SKP1: variants seen among roughly 807,000 people sequenced by gnomAD.
The protein encoded by SKP1 is S-phase kinase associated protein 1.
SKP1 carries 1 observed loss-of-function variant against 21.5 expected under a neutral mutation model. The ratio of observed to expected loss-of-function variants is 0.05; its 90% CI spans 0.02 to 0.22. The LOEUF (loss-of-function observed/expected upper bound fraction) is 0.22. SKP1 is among the 10% of genes least tolerant of loss of function. SKP1 has a pLI of 1.00. For missense variants in SKP1, 70 were observed against 192.0 expected (o/e 0.36, Z 3.76); for synonymous variants, 59 against 59.3 (o/e 0.99, Z 0.03).
At chr5:134,170,712 T>C (rs987517005) in intron 2 of SKP1, among the ~76,000 whole-genome samples, 1 of 152,200 alleles carries the variant, frequency 6.6e-6, no homozygotes, top group African/African-American at 2.4e-5. Context: ...AGTAAAAGAA[T>C]AACTTAATTG....
intron 5 of SKP1, 92 bp downstream of exon 5, chr5:134,158,363 A>G: frequency 2.5e-6 from 4 of 1,607,152 alleles, no homozygotes; most frequent in Non-Finnish European, 3.4e-6. Flanking sequence ...TATCAAGACT[A>G]CTTGATACAG....
intron 3 of SKP1, among the ~76,000 whole-genome samples, chr5:134,163,172 G>GCT (rs1761249952): frequency 7.6e-6 from 1 of 132,366 alleles, no homozygotes; most frequent in Non-Finnish European, 1.5e-5. Context: ...CCATGATCGT[G>GCT]CCACTGCACT....
At chr5:134,158,782 T>C (rs763246723) in intron 4 of SKP1, among the ~76,000 whole-genome samples, 187 bp from the exon 5 acceptor site, 1 of 152,252 alleles carries the variant, frequency 6.6e-6, no homozygotes, top group Non-Finnish European at 1.5e-5. Context: ...GTTATACCTC[T>C]ATAATGTTGA....
At chr5:134,166,131 G>C (rs1761326114) in intron 3 of SKP1, among the ~76,000 whole-genome samples, 1 of 151,102 alleles carries the variant, frequency 6.6e-6, no homozygotes, top group Non-Finnish European at 1.5e-5. Context: ...GCTGCAGTGA[G>C]CTGAGATCAC....
chr5:134,174,798 G>C (rs1367007465), intron 1 of SKP1: 1 of 142,426 alleles, frequency 7.0e-6, no homozygotes, highest in Non-Finnish European at 1.5e-5. Context: ...CAAAGGACTT[G>C]AGTTCTGGCA....
rs570070990 is a variant in SKP1 at position 134,153,061 on chromosome 5, T to C, written c.*4672A>G. 5.9e-5 allele frequency: 9 copies of C among 152,366 alleles called. No individual in the cohort carries two copies. The East Asian group carries it at 7.7e-4, about 13-fold the overall frequency. The allele number at this position is 152,366 out of a possible 1,614,324, so 9.4% of individuals were successfully genotyped here. A position where few individuals can be genotyped will look rare whatever the true frequency, so the allele number is the denominator to read the frequency against. On this transcript the variant is annotated 3_prime_UTR_variant, in exon 6 of 6. Coordinates refer to ENST00000353411, the MANE Select transcript of SKP1 (RefSeq NM_170679.3). ...GACTTCTTCCTAGCTTAAAAAGTTA[T>C]AGACTGGTTTCAAATCCAGATAATT...
At chr5:134,173,042 A>G (rs1463136652) in intron 2 of SKP1, among the ~76,000 whole-genome samples, 1 of 151,450 alleles carries the variant, frequency 6.6e-6, no homozygotes, top group Non-Finnish European at 1.5e-5. Flanking sequence ...AAATTAAAAA[A>G]TCAGCTGGGG....
intron 3 of SKP1, among the ~76,000 whole-genome samples, chr5:134,165,933 C>A (rs1471945920): frequency 6.6e-6 from 1 of 151,522 alleles, no homozygotes; most frequent in African/African-American, 2.4e-5. Flanking sequence ...GTGGCTCCAC[C>A]TGTAATCCCA....
At chr5:134,168,774 G>C (rs1761383504) in intron 2 of SKP1, among the ~76,000 whole-genome samples, 1 of 152,082 alleles carries the variant, frequency 6.6e-6, no homozygotes, top group Admixed American at 6.5e-5. Flanking sequence ...GGCATGAAAA[G>C]GATGAAGTTG....
rs370698941 is a variant in SKP1, at chr5:134,160,286, G to A, written c.315+701C>T. Among the ~76,000 whole-genome samples the A allele has an allele frequency of 8.5e-5, 13 of 152,104 alleles. No homozygotes were observed. In the South Asian group the frequency reaches 2.3e-3, roughly 27 times the overall value. ...GCAGGAGAATTGCTTGAACCTGGGA[G>A]GTGGAGGTTGCAGTGAGCCAAAATC... is the stretch of plus-strand genomic sequence containing the variant. On this transcript the variant is annotated intron_variant, in intron 4 of 5. Transcript: ENST00000353411.
At chr5:134,170,507 T>C (rs1761420638) in intron 2 of SKP1, among the ~76,000 whole-genome samples, 1 of 152,202 alleles carries the variant, frequency 6.6e-6, no homozygotes, top group Non-Finnish European at 1.5e-5. Context: ...CTTCTGATTG[T>C]CCTGTGGATT....
At position 134,172,500 on chromosome 5, in the gene SKP1, T is replaced by TC. The variant is rs972996204; in HGVS notation, c.97+1425dup. 6.0e-4 allele frequency among the ~76,000 whole-genome samples: 91 copies of TC among 152,018 alleles called. 2 individuals are homozygous for TC. The highest frequency in any genetic ancestry group is 6.5e-5 in the Admixed American group (1 of 15,278). On this transcript the variant is annotated intron_variant, in intron 2 of 5. Transcript: ENST00000353411. ...TTCAAGACCTGTTTTCTAAGTCACT[T>TC]CCTTATGCTGCATATATACTTTGTA...
chr5:134,170,064 G>A (rs913594564), intron 2 of SKP1, among the ~76,000 whole-genome samples: 1 of 151,876 alleles, frequency 6.6e-6, no homozygotes, highest in Admixed American at 6.6e-5. Flanking sequence ...AGCTACTTGG[G>A]AGGCTGAGGC....
intron 2 of SKP1, among the ~76,000 whole-genome samples, chr5:134,168,405 T>G (rs1761374517): frequency 6.6e-6 from 1 of 152,074 alleles, no homozygotes. Context: ...ATGCAGCCAC[T>G]GACAAAAACA....
At chr5:134,158,934 G>A (rs764477667) in intron 4 of SKP1, among the ~76,000 whole-genome samples, 3 of 152,302 alleles carry the variant, frequency 2.0e-5, no homozygotes, top group South Asian at 2.1e-4. Flanking sequence ...GAGTTCAAAC[G>A]TAAGCAGTTA....
At position 134,173,954 on chromosome 5, in the gene SKP1, T is replaced by C. The variant is rs1372398828; in HGVS notation, c.69A>G (p.Gln23=). Residue 23 remains glutamine (Q), a synonymous_variant, in exon 2 of 6, where the codon CAA becomes CAG. Transcript: ENST00000353411. ...CCAACATGGTCTTAATAGTCACAGA[T>C]TGTTTGGCAATTTCCACATCAACTT... is the stretch of plus-strand genomic sequence containing the variant. ...IFEVDVEIAK[Q]SVTIKTMLED... 4 of 1,608,700 alleles carry C rather than the reference T, an allele frequency of 2.5e-6. No individual in the cohort carries two copies. The African/African-American group carries it at 4.0e-5, about 16-fold the overall frequency.
rs1049725144 is a variant in SKP1, at chr5:134,153,755, T to C, written c.*3978A>G. Reference sequence around the variant, plus strand: ...TATGTTGGGATCAGAACACAGCCCATAGGATTGGTCAATTTTTACGTAAAC... The same window carrying C: ...TATGTTGGGATCAGAACACAGCCCACAGGATTGGTCAATTTTTACGTAAAC... On this transcript the variant is annotated 3_prime_UTR_variant, in exon 6 of 6. Transcript: ENST00000353411. The C allele has an allele frequency of 2.0e-5, 3 of 152,176 alleles. No individual in the cohort carries two copies. The highest frequency in any genetic ancestry group is 2.0e-4 in the Admixed American group (3 of 15,288). 9.4% of individuals were successfully genotyped at this position (152,176 alleles called of 1,614,324 possible). A position where few individuals can be genotyped will look rare whatever the true frequency, so the allele number is the denominator to read the frequency against.
At position 134,155,046 on chromosome 5, in the gene SKP1, AGT is replaced by A. The variant is rs1176949287; in HGVS notation, c.*2685_*2686del. 2 of 152,236 alleles carry A rather than the reference AGT, an allele frequency of 1.3e-5. No homozygotes were observed. The highest frequency in any genetic ancestry group is 4.8e-5 in the African/African-American group (2 of 41,456). The allele number at this position is 152,236 out of a possible 1,614,324, so 9.4% of individuals were successfully genotyped here. The stretch of plus-strand genomic sequence containing the variant: ...AAATACAAGTTAAATCCTGCTGTCA[AGT>A]GACTTCCAATGAAGTTCTGGAACTA... On this transcript the variant is annotated 3_prime_UTR_variant, in exon 6 of 6. Coordinates refer to ENST00000353411, the MANE Select transcript of SKP1 (RefSeq NM_170679.3).
At position 134,153,021 on chromosome 5, in the gene SKP1, A is replaced by G. The variant is rs1368051643; in HGVS notation, c.*4712T>C. On this transcript the variant is annotated 3_prime_UTR_variant, in exon 6 of 6. Transcript: ENST00000353411. ...TTTTGTAAGCTTTCCCTTTGCTTGC[A>G]ATCTTCTTATTCTTGACTTCTTCCT... 3.9e-5 allele frequency: 6 copies of G among 152,230 alleles called. No individual in the cohort carries two copies. Among genetic ancestry groups the G allele is most frequent in the Admixed American group, 3.9e-4 (6 of 15,286 alleles). The allele number at this position is 152,230 out of a possible 1,614,324, so 9.4% of individuals were successfully genotyped here. A position where few individuals can be genotyped will look rare whatever the true frequency, so the allele number is the denominator to read the frequency against.
Sources: allele counts gnomAD v4.1 joint callset (sites outside exome capture counted in the v4.1 genomes callset), GRCh38; gene constraint gnomAD v4.1.1; transcripts MANE v1.5; gene names NCBI Gene and HGNC (gene_info 2026-07-23, HGNC 2026-07-21).